Variants in SHLD1 observed in about 807,000 individuals in gnomAD.
SHLD1 encodes the protein shieldin complex subunit 1, also known as RINN1-REV7-interacting novel NHEJ regulator 3.
Under a neutral mutation model 5.5 loss-of-function variants are expected in SHLD1, and 3 were observed. The ratio of observed to expected loss-of-function variants is 0.54; its 90% CI spans 0.25 to 1.40. The LOEUF is 1.40. SHLD1 is among the 40% of genes most tolerant of loss of function. The pLI is 0.15. For missense variants in SHLD1, 210 were observed against 244.4 expected (o/e 0.86, Z 0.94); for synonymous variants, 92 against 94.3 (o/e 0.98, Z 0.14).
intron 2 of SHLD1, among the ~76,000 whole-genome samples, chr20:5,779,440 G>A (rs951447706): frequency 1.3e-5 from 2 of 152,190 alleles, no homozygotes; most frequent in Admixed American, 6.6e-5. Context: ...ATAGGTAGCT[G>A]TAGTTACGGG....
At chr20:5,832,993 T>G (rs1417854088) in intron 2 of SHLD1, among the ~76,000 whole-genome samples, 1 of 152,158 alleles carries the variant, frequency 6.6e-6, no homozygotes, top group African/African-American at 2.4e-5. Flanking sequence ...TGCTTACATT[T>G]CTGGAACCAT....
At chr20:5,837,467 A>C (rs1169919907) in intron 2 of SHLD1, among the ~76,000 whole-genome samples, 98 of 126,544 alleles carry the variant, frequency 7.7e-4, no homozygotes, top group African/African-American at 1.6e-3. Context: ...CCCCCCACAC[A>C]CCCCCCACCT....
At chr20:5,860,876 TAAAA>T (rs10555301) in intron 2 of SHLD1, among the ~76,000 whole-genome samples, 63 of 100,762 alleles carry the variant, frequency 6.3e-4, no homozygotes, top group African/African-American at 1.5e-3. Context: ...TACTATTCTT[TAAAA>T]AAAAAAAAAA....
At chr20:5,766,791 G>A (rs542311816) in intron 1 of SHLD1, among the ~76,000 whole-genome samples, 79 of 152,108 alleles carry the variant, frequency 5.2e-4, no homozygotes, top group African/African-American at 1.8e-3. Flanking sequence ...TTCTTATAGC[G>A]TCAGGGTCTG....
intron 2 of SHLD1, among the ~76,000 whole-genome samples, chr20:5,779,835 G>T (rs2122268053): frequency 6.6e-6 from 1 of 152,244 alleles, no homozygotes; most frequent in African/African-American, 2.4e-5. Context: ...AGAACTGGCA[G>T]AGTATGGCAG....
chr20:5,811,185 A>C (rs1249195816), intron 2 of SHLD1, among the ~76,000 whole-genome samples: 1 of 152,138 alleles, frequency 6.6e-6, no homozygotes, highest in East Asian at 1.9e-4. Context: ...ACGTACCAGA[A>C]GCCACAGCTC....
intron 2 of SHLD1, among the ~76,000 whole-genome samples, chr20:5,800,147 C>T (rs2066025043): frequency 6.6e-6 from 1 of 152,178 alleles, no homozygotes; most frequent in African/African-American, 2.4e-5. Flanking sequence ...TGATACAATG[C>T]ACAGTGCAGC....
intron 1 of SHLD1, chr20:5,772,320 G>A (rs1488190286): frequency 2.8e-6 from 1 of 351,228 alleles, no homozygotes; most frequent in African/African-American, 2.1e-5. Context: ...TACCACAACA[G>A]TCCATCTGGT....
chr20:5,778,968 C>T (rs551950124), intron 2 of SHLD1, among the ~76,000 whole-genome samples: 2 of 152,040 alleles, frequency 1.3e-5, no homozygotes, highest in East Asian at 1.9e-4. Flanking sequence ...TTTGGGAGGG[C>T]GAAGCAGGTG....
rs1382656680 is a variant in SHLD1, at chr20:5,772,865, T to A, written c.-1T>A. 2.5e-6 allele frequency: 4 copies of A among 1,611,634 alleles called. No homozygotes were observed. In the African/African-American group the frequency reaches 5.3e-5, roughly 22 times the overall value. Reference sequence around the variant, plus strand: ...TGTTTTCTTTTTTCCATGGCAGGACTATGGCAGCCAGGGACGCCACTTCAG... The same window carrying A: ...TGTTTTCTTTTTTCCATGGCAGGACAATGGCAGCCAGGGACGCCACTTCAG... On this transcript the variant is annotated 5_prime_UTR_variant, in exon 2 of 3. Coordinates refer to ENST00000303142, the MANE Select transcript of SHLD1 (RefSeq NM_152504.4).
At chr20:5,797,628 T>G (rs1441158575) in intron 2 of SHLD1, among the ~76,000 whole-genome samples, 12 of 152,210 alleles carry the variant, frequency 7.9e-5, no homozygotes. Flanking sequence ...CTGTCCCTAC[T>G]TACTTACTAG....
intron 2 of SHLD1, among the ~76,000 whole-genome samples, chr20:5,843,064 T>G (rs1227884234): frequency 6.6e-6 from 1 of 152,218 alleles, no homozygotes; most frequent in African/African-American, 2.4e-5. Context: ...TTTTTCCCTG[T>G]GCATTTTGAG....
chr20:5,857,667 C>T (rs544838126), intron 2 of SHLD1, among the ~76,000 whole-genome samples: 7 of 151,744 alleles, frequency 4.6e-5, no homozygotes, highest in South Asian at 2.1e-4. Flanking sequence ...AAAAGTTAGC[C>T]GGACCTGGTG....
chr20:5,751,432 G>A (rs6116935), intron 1 of SHLD1, among the ~76,000 whole-genome samples: 14,306 of 151,896 alleles, frequency 0.094, 1,389 homozygotes, highest in African/African-American at 0.25. Context: ...TGAGCCTCCC[G>A]AGTAGCTGGG....
At chr20:5,798,772 C>T (rs937728313) in intron 2 of SHLD1, among the ~76,000 whole-genome samples, 1 of 151,658 alleles carries the variant, frequency 6.6e-6, no homozygotes, top group Non-Finnish European at 1.5e-5. Context: ...CACCCACCAC[C>T]GTGCCCGGCT....
At chr20:5,796,108 G>C (rs1181395283) in intron 2 of SHLD1, among the ~76,000 whole-genome samples, 5 of 152,030 alleles carry the variant, frequency 3.3e-5, no homozygotes, top group African/African-American at 7.2e-5. Flanking sequence ...TTACATTCTG[G>C]GTGGTGCTAG....
chr20:5,844,799 A>ATATATATATTTTTTTTTTTTTTTTTTT (rs1460082835), intron 2 of SHLD1, among the ~76,000 whole-genome samples: 1 of 71,692 alleles, frequency 1.4e-5, no homozygotes, highest in African/African-American at 4.2e-5. Context: ...ATATATATAT[A>ATATATATATTTTTTTTTTTTTTTTTTT]TTTTTTTTTT....
intron 2 of SHLD1, among the ~76,000 whole-genome samples, chr20:5,800,820 C>T (rs1438892719): frequency 6.8e-6 from 1 of 146,612 alleles, no homozygotes; most frequent in Non-Finnish European, 1.5e-5. Flanking sequence ...TGTATAAATC[C>T]ATCTTTATCT....
chr20:5,767,348 C>T (rs766526918), intron 1 of SHLD1, among the ~76,000 whole-genome samples: 3 of 151,998 alleles, frequency 2.0e-5, no homozygotes, highest in Non-Finnish European at 4.4e-5. Flanking sequence ...GCTATGTTGC[C>T]CAGGCTGGTC....
Sources: gnomAD v4.1 joint callset for allele counts (sites outside exome capture counted in the v4.1 genomes callset) on GRCh38, gnomAD v4.1.1 for gene constraint, MANE v1.5 for transcripts, NCBI Gene and HGNC (gene_info 2026-07-23, HGNC 2026-07-21) for gene names.